The following C10orf67 variants were observed in gnomAD, a reference collection of about 807,000 sequenced individuals.
C10orf67 encodes chromosome 10 open reading frame 67, also known as uncharacterized protein C10orf67, mitochondrial.
C10orf67 carries 60 observed loss-of-function variants against 35.6 expected under a neutral mutation model. The observed-to-expected ratio is 1.68, with a 90% CI of 1.37 to 2.09. The LOEUF (loss-of-function observed/expected upper bound fraction) is 2.09. Ranked by LOEUF, C10orf67 falls within the 30% of genes most tolerant of loss-of-function variation. The pLI, the probability that C10orf67 is intolerant of heterozygous loss-of-function variation, is 0.00. For synonymous variants in C10orf67, 167 were observed against 115.8 expected, an observed-to-expected ratio of 1.44 and a Z score of -2.84; for missense variants, 474 against 330.2, an observed-to-expected ratio of 1.44 and a Z score of -3.38.
At chr10:23,245,335 A>G (rs1426493027) in intron 12 of C10orf67, among the ~76,000 whole-genome samples, 3 of 152,194 alleles carry the variant, frequency 2.0e-5, no homozygotes, top group Non-Finnish European at 4.4e-5. Context: ...CAGATGCACA[A>G]GCAACAAAAA....
At chr10:23,205,346 C>A (rs926863959) in intron 15 of C10orf67, among the ~76,000 whole-genome samples, 1 of 152,224 alleles carries the variant, frequency 6.6e-6, no homozygotes, top group African/African-American at 2.4e-5. Context: ...TTGTTTTCTG[C>A]ATCCCAGAAA....
At chr10:23,290,042 G>A (rs1843672950) in intron 6 of C10orf67, 84 bp from the exon 7 acceptor site, 1 of 693,128 alleles carries the variant, frequency 1.4e-6, no homozygotes, top group African/African-American at 1.8e-5. Context: ...AGGGCAGGCT[G>A]TGGGGCACTA....
chr10:23,227,127 C>T (rs559596576), intron 13 of C10orf67, among the ~76,000 whole-genome samples: 1 of 151,570 alleles, frequency 6.6e-6, no homozygotes, highest in Admixed American at 6.6e-5. Flanking sequence ...GCCTGGCAGA[C>T]ACACAACAAA....
chr10:23,344,638 C>G lies in C10orf67; in HGVS notation c.137G>C (p.Arg46Pro), dbSNP rs199944244. 2.4e-3 allele frequency: 3,765 copies of G among 1,581,144 alleles called. 11 individuals are homozygous for G. Among genetic ancestry groups the G allele is most frequent in the Non-Finnish European group, 2.6e-3 (3,037 of 1,164,202 alleles). Reference protein sequence around the residue: ...EAMKAKATELRVCCARRKREA... With the variant: ...EAMKAKATELPVCCARRKREA... ...TCGCTTCCTACGCGCGCAGCAGACCCGCAGCTCGGTGGCCTTGGCTTTCAT... is the reference window on the plus strand; with the variant it reads ...TCGCTTCCTACGCGCGCAGCAGACCGGCAGCTCGGTGGCCTTGGCTTTCAT... The change falls in exon 1 of 16, where the codon CGG becomes CCG. Residue 46 changes from arginine to proline, a missense_variant. Arg to Pro is a moderately radical substitution (Grantham distance 103, BLOSUM62 -2). Coordinates refer to ENST00000636213, the MANE Select transcript of C10orf67 (RefSeq NM_001371909.1).
At chr10:23,237,233 G>GC (rs1253536698) in intron 13 of C10orf67, among the ~76,000 whole-genome samples, 2 of 152,092 alleles carry the variant, frequency 1.3e-5, no homozygotes, top group African/African-American at 4.8e-5. Context: ...TTTTATGGCT[G>GC]CGTCATATTC....
rs1212513443 is a variant in C10orf67 at position 23,211,488 on chromosome 10, G to T, written c.1571-7233C>A. ...GTGTGTGTGTGTGTGTGGGGGGGGG[G>T]GGTATCACAATTCAACCCGTAACAC... On this transcript the variant is annotated intron_variant, in intron 15 of 15. Coordinates refer to ENST00000636213, the MANE Select transcript of C10orf67 (RefSeq NM_001371909.1). 1.0e-3 allele frequency among the ~76,000 whole-genome samples: 138 copies of T among 136,866 alleles called. 4 individuals carry two copies. In the East Asian group the frequency reaches 0.044, roughly 44 times the overall value. The allele number at this position is 136,866 out of a possible 152,430, so 89.8% of individuals were successfully genotyped here. A position where few individuals can be genotyped will look rare whatever the true frequency, so the allele number is the denominator to read the frequency against.
chr10:23,302,747 C>G (rs1329964895), intron 5 of C10orf67, among the ~76,000 whole-genome samples: 2 of 152,218 alleles, frequency 1.3e-5, no homozygotes, highest in Admixed American at 1.3e-4. Context: ...GTTCTTCTTT[C>G]TGCCTTCTCA....
chr10:23,274,489 G>C (rs914697617), intron 8 of C10orf67, among the ~76,000 whole-genome samples: 14 of 151,934 alleles, frequency 9.2e-5, no homozygotes, highest in Non-Finnish European at 1.8e-4. Flanking sequence ...TTTCTTGCTG[G>C]GAAAAGAATT....
intron 15 of C10orf67, among the ~76,000 whole-genome samples, chr10:23,205,720 G>A (rs1841139727): frequency 6.6e-6 from 1 of 152,106 alleles, no homozygotes; most frequent in African/African-American, 2.4e-5. Flanking sequence ...GATTATCTTA[G>A]AAAATCAATA....
intron 3 of C10orf67, 71 bp from the exon 4 acceptor site, chr10:23,320,886 G>A (rs1002594028): frequency 1.0e-6 from 1 of 1,000,338 alleles, no homozygotes; most frequent in South Asian, 1.6e-5. Flanking sequence ...ACTAGGGAGG[G>A]ACTCATAGTA....
chr10:23,227,174 T>A (rs908336500), intron 13 of C10orf67, among the ~76,000 whole-genome samples: 4 of 152,194 alleles, frequency 2.6e-5, no homozygotes, highest in Non-Finnish European at 5.9e-5. Context: ...TGAACATCGA[T>A]GCAAAAATCC....
chr10:23,293,910 C>A (rs965912957), intron 5 of C10orf67, among the ~76,000 whole-genome samples: 1 of 152,192 alleles, frequency 6.6e-6, no homozygotes, highest in African/African-American at 2.4e-5. Flanking sequence ...GAAATGCAGC[C>A]CCTCAGGCCC....
chr10:23,272,143 C>T (rs1230917420), intron 8 of C10orf67, among the ~76,000 whole-genome samples: 2 of 152,206 alleles, frequency 1.3e-5, no homozygotes, highest in South Asian at 2.1e-4. Context: ...TCTTGAACTC[C>T]TGGGCTCAAG....
chr10:23,272,317 T>C (rs575397731), intron 8 of C10orf67, among the ~76,000 whole-genome samples: 16 of 152,366 alleles, frequency 1.1e-4, no homozygotes, highest in African/African-American at 3.4e-4. Context: ...TCTAGAAGTT[T>C]TGTAGCTTCA....
At chr10:23,288,329 T>C (rs924977307) in intron 7 of C10orf67, among the ~76,000 whole-genome samples, 8 of 152,178 alleles carry the variant, frequency 5.3e-5, no homozygotes, top group African/African-American at 1.9e-4. Context: ...GGGATATGGA[T>C]GAAGCTGGAA....
At chr10:23,342,067 G>C (rs550729327) in intron 1 of C10orf67, among the ~76,000 whole-genome samples, 1 of 152,216 alleles carries the variant, frequency 6.6e-6, no homozygotes, top group South Asian at 2.1e-4. Context: ...AGGAGGCTGA[G>C]GTGGAGGGAT....
intron 15 of C10orf67, among the ~76,000 whole-genome samples, chr10:23,210,296 C>T (rs1026318203): frequency 6.6e-6 from 1 of 152,142 alleles, no homozygotes; most frequent in African/African-American, 2.4e-5. Flanking sequence ...GAAAAGGAGG[C>T]ATGGGCATGT....
At chr10:23,289,793 C>A (rs543988714) in intron 7 of C10orf67, 107 bp downstream of exon 7, 27 of 613,344 alleles carry the variant, frequency 4.4e-5, no homozygotes, top group African/African-American at 3.7e-4. Context: ...ATATGTGAAT[C>A]AACTTTCCTC....
intron 10 of C10orf67, among the ~76,000 whole-genome samples, chr10:23,264,256 A>G (rs538401681): frequency 1.3e-5 from 2 of 152,336 alleles, no homozygotes; most frequent in South Asian, 4.1e-4. Flanking sequence ...AGCGCTTAGA[A>G]CAATAGGATA....
Sources: gnomAD v4.1 joint callset for allele counts (sites outside exome capture counted in the v4.1 genomes callset) on GRCh38, gnomAD v4.1.1 for gene constraint, MANE v1.5 for transcripts, NCBI Gene and HGNC (gene_info 2026-07-23, HGNC 2026-07-21) for gene names.